CRB1: variants seen among roughly 807,000 people sequenced by gnomAD.
CRB1 encodes the protein crumbs cell polarity complex component 1, also known as protein crumbs homolog 1.
In CRB1, 83 loss-of-function variants were observed where a neutral mutation model predicts 120.0. The ratio of observed to expected loss-of-function variants is 0.69; its 90% CI spans 0.58 to 0.83. The LOEUF (loss-of-function observed/expected upper bound fraction) is 0.83. CRB1 is among the 40% of genes least tolerant of loss of function. The pLI is 0.00. For synonymous variants in CRB1, 625 were observed against 612.5 expected (o/e 1.02, Z -0.30); for missense variants, 1,699 against 1,687.6 (o/e 1.01, Z -0.12).
intron 7 of CRB1, chr1:197,429,006 G>A: frequency 6.6e-7 from 1 of 1,526,140 alleles, no homozygotes; most frequent in Non-Finnish European, 8.8e-7. Context: ...CACTCACTGA[G>A]TTGGGATCCA....
Position 197,367,748 on chromosome 1 carries a change from T to C in CRB1, c.1171+10735T>C, listed in dbSNP as rs76331984. ...CAACTCAGAGGAACACCCTCCCTGG[T>C]CTCTGGAACGCTACATTGTTGCCTC... On this transcript the variant is annotated intron_variant, in intron 5 of 11. Coordinates refer to ENST00000367400, the MANE Select transcript of CRB1 (RefSeq NM_201253.3). 9.7e-3 allele frequency among the ~76,000 whole-genome samples: 1,476 copies of C among 152,266 alleles called. 20 individuals are homozygous for C. Among genetic ancestry groups the C allele is most frequent in the African/African-American group, 0.034 (1,415 of 41,550 alleles).
chr1:197,386,537 A>G (rs566848943), intron 5 of CRB1, among the ~76,000 whole-genome samples: 1 of 152,282 alleles, frequency 6.6e-6, no homozygotes, highest in Admixed American at 6.5e-5. Context: ...CTGTCCCAGA[A>G]CTTTGATTTA....
intron 11 of CRB1, among the ~76,000 whole-genome samples, chr1:197,454,452 G>A (rs1481302951): frequency 6.6e-6 from 1 of 152,006 alleles, no homozygotes; most frequent in Non-Finnish European, 1.5e-5. Context: ...GCTTCACCAA[G>A]TATAATTAAT....
intron 7 of CRB1, 78 bp from the exon 8 acceptor site, chr1:197,429,371 A>G (rs750245719): frequency 3.9e-6 from 6 of 1,527,050 alleles, no homozygotes; most frequent in Non-Finnish European, 5.4e-6. Context: ...TTAAAAAAAC[A>G]GATATGTGGT....
At chr1:197,408,949 G>A (rs1663557091) in intron 5 of CRB1, among the ~76,000 whole-genome samples, 1 of 152,208 alleles carries the variant, frequency 6.6e-6, no homozygotes, top group Admixed American at 6.5e-5. Context: ...CTTTTGAAGT[G>A]CAAAATCAAG....
chr1:197,319,938 C>A (rs1051149440), intron 1 of CRB1, among the ~76,000 whole-genome samples: 1 of 152,114 alleles, frequency 6.6e-6, no homozygotes, highest in African/African-American at 2.4e-5. Context: ...CCTTTTATCC[C>A]ACAAAATTAG....
At chr1:197,472,352 G>A (rs765376834) in intron 11 of CRB1, among the ~76,000 whole-genome samples, 15 of 152,220 alleles carry the variant, frequency 9.9e-5, no homozygotes, top group East Asian at 7.7e-4. Flanking sequence ...ATTTTTAACC[G>A]CAAACATACT....
At chr1:197,233,848 C>T in the CRB1 span, among the ~76,000 whole-genome samples, 46 of 152,318 alleles carry the variant, frequency 3.0e-4, no homozygotes, top group African/African-American at 1.1e-3. Flanking sequence ...AGTAAGATCC[C>T]TCTAATGGGT....
chr1:197,224,554 A>T, the CRB1 span, among the ~76,000 whole-genome samples: 1 of 152,150 alleles, frequency 6.6e-6, no homozygotes, highest in African/African-American at 2.4e-5. Context: ...CACCAATAGG[A>T]ATATGGGCTT....
chr1:197,236,875 A>G, the CRB1 span, among the ~76,000 whole-genome samples: 9,078 of 152,242 alleles, frequency 0.06, 922 homozygotes, highest in African/African-American at 0.21. Flanking sequence ...GTTGTGGTAT[A>G]TAATTCTCTT....
chr1:197,325,286 C>G (rs892993580), intron 1 of CRB1, among the ~76,000 whole-genome samples: 1 of 152,146 alleles, frequency 6.6e-6, no homozygotes, highest in Non-Finnish European at 1.5e-5. Context: ...ACTTTATTCT[C>G]ATAAATTGGC....
At chr1:197,412,121 G>A (rs989735481) in intron 5 of CRB1, among the ~76,000 whole-genome samples, 4 of 152,238 alleles carry the variant, frequency 2.6e-5, no homozygotes, top group African/African-American at 9.6e-5. Flanking sequence ...GTAAGGAACA[G>A]GCATGGGACA....
intron 2 of CRB1, among the ~76,000 whole-genome samples, chr1:197,330,290 C>G (rs1335027692): frequency 6.6e-6 from 1 of 152,158 alleles, no homozygotes; most frequent in East Asian, 1.9e-4. Flanking sequence ...TGTACTACTA[C>G]ACAACCTCCC....
intron 1 of CRB1, among the ~76,000 whole-genome samples, chr1:197,271,659 G>T (rs912339934): frequency 5.9e-5 from 9 of 152,250 alleles, no homozygotes; most frequent in African/African-American, 2.2e-4. Context: ...ACTTATTAGA[G>T]TGAGACTCTC....
At chr1:197,296,576 G>A (rs1463141236) in intron 1 of CRB1, among the ~76,000 whole-genome samples, 1 of 152,036 alleles carries the variant, frequency 6.6e-6, no homozygotes, top group Non-Finnish European at 1.5e-5. Context: ...ATTTATCATT[G>A]AGATCCCATT....
At chr1:197,345,434 A>G (rs1659706518) in intron 3 of CRB1, among the ~76,000 whole-genome samples, 1 of 152,018 alleles carries the variant, frequency 6.6e-6, no homozygotes, top group Non-Finnish European at 1.5e-5. Context: ...TCTAATTTCA[A>G]AGTGAATCAG....
At chr1:197,273,369 G>A (rs1655012267) in intron 1 of CRB1, among the ~76,000 whole-genome samples, 1 of 152,010 alleles carries the variant, frequency 6.6e-6, no homozygotes, top group Non-Finnish European at 1.5e-5. Flanking sequence ...TGTGACTGCT[G>A]ATATTGACCT....
intron 1 of CRB1, among the ~76,000 whole-genome samples, chr1:197,293,529 CA>C (rs2125241826): frequency 6.6e-6 from 1 of 152,206 alleles, no homozygotes; most frequent in East Asian, 1.9e-4. Context: ...ATCAAGCTAC[CA>C]ATGACTTTCT....
chr1:197,353,574 G>T (rs564586278), intron 4 of CRB1, among the ~76,000 whole-genome samples: 10 of 152,114 alleles, frequency 6.6e-5, no homozygotes, highest in Non-Finnish European at 1.2e-4. Context: ...GCCGAGGCGC[G>T]TGGATCACCT....
Sources: gnomAD v4.1 joint callset for allele counts (sites outside exome capture counted in the v4.1 genomes callset) on GRCh38, gnomAD v4.1.1 for gene constraint, MANE v1.5 for transcripts, NCBI Gene and HGNC (gene_info 2026-07-23, HGNC 2026-07-21) for gene names.